The following GLIS3 variants were observed in gnomAD, a reference collection of about 807,000 sequenced individuals.
The protein encoded by GLIS3 is GLIS family zinc finger 3.
In GLIS3, 53 loss-of-function variants were observed where a neutral mutation model predicts 78.6. The observed-to-expected ratio is 0.67, with a 90% CI of 0.54 to 0.85. The LOEUF (loss-of-function observed/expected upper bound fraction) is 0.85. Ranked by LOEUF, GLIS3 falls within the 40% of genes least tolerant of loss-of-function variation. The pLI is 0.00. For synonymous variants in GLIS3, 684 were observed against 509.9 expected, an observed-to-expected ratio of 1.34 and a Z score of -4.60; for missense variants, 1,703 against 1,231.1, an observed-to-expected ratio of 1.38 and a Z score of -5.74.
At chr9:4,027,666 C>T (rs909533493) in intron 4 of GLIS3, among the ~76,000 whole-genome samples, 1 of 152,198 alleles carries the variant, frequency 6.6e-6, no homozygotes, top group Non-Finnish European at 1.5e-5. Context: ...TGTTCCTAAA[C>T]AGTCTGATAA....
At chr9:4,337,238 C>G (rs1302037447) in intron 2 of GLIS3, among the ~76,000 whole-genome samples, 1 of 152,142 alleles carries the variant, frequency 6.6e-6, no homozygotes, top group Non-Finnish European at 1.5e-5. Context: ...TAATCAGAAG[C>G]TCAGAAAAAT....
the GLIS3 span, among the ~76,000 whole-genome samples, chr9:4,464,233 G>C: frequency 6.6e-6 from 1 of 152,034 alleles, no homozygotes; most frequent in Non-Finnish European, 1.5e-5. Context: ...CTGGGGGTCA[G>C]AGTCTCCAAC....
chr9:4,102,040 T>C (rs1478814091), intron 4 of GLIS3, among the ~76,000 whole-genome samples: 4 of 152,210 alleles, frequency 2.6e-5, no homozygotes, highest in Non-Finnish European at 5.9e-5. Context: ...CTTATAAGGA[T>C]TATTCTCCAT....
At chr9:3,998,415 T>A (rs916827177) in intron 4 of GLIS3, among the ~76,000 whole-genome samples, 9 of 152,118 alleles carry the variant, frequency 5.9e-5, no homozygotes, top group African/African-American at 2.2e-4. Flanking sequence ...CTTACCTTTA[T>A]ATTTACACCT....
chr9:4,020,472 CAATTTGAAAA>C (rs1025085665), intron 4 of GLIS3, among the ~76,000 whole-genome samples: 2 of 152,056 alleles, frequency 1.3e-5, no homozygotes, highest in African/African-American at 2.4e-5. Flanking sequence ...AACACCTGGT[CAATTTGAAAA>C]AATTTCACCA....
intron 4 of GLIS3, among the ~76,000 whole-genome samples, chr9:4,105,668 T>A (rs1371846431): frequency 2.0e-5 from 3 of 152,190 alleles, no homozygotes; most frequent in Non-Finnish European, 2.9e-5. Context: ...TCTGAATTCT[T>A]GAAAAGTGAT....
chr9:4,317,128 G>A lies in GLIS3; in HGVS notation n.265-6600C>T, dbSNP rs10974453. Among the ~76,000 whole-genome samples, 284 of 152,160 alleles carry A rather than the reference G, an allele frequency of 1.9e-3. 2 individuals are homozygous for A. The highest frequency in any genetic ancestry group is 6.4e-3 in the African/African-American group (264 of 41,508). On this transcript the variant is annotated intron_variant and non_coding_transcript_variant, in intron 2 of 4. Coordinates refer to the GLIS3 transcript ENST00000471664. ...TATCCTATTGGCTAAGAAAAAGAAA[G>A]AATGTATTCAGTGCCTTTCGACTGC...
chr9:3,843,154 G>C (rs750966763), intron 9 of GLIS3, among the ~76,000 whole-genome samples: 1 of 152,172 alleles, frequency 6.6e-6, no homozygotes. Context: ...TTAGACTTCT[G>C]TTGTCCAGCT....
In GLIS3 at chr9:4,118,507, G is replaced by T. The variant is rs775943543; in HGVS notation, c.971C>A (p.Pro324His). The change falls in exon 4 of 11, where the codon CCC becomes CAC. Residue 324 changes from proline to histidine, a missense_variant. Physicochemically the swap from Pro to His is moderately conservative, Grantham distance 77. Coordinates refer to ENST00000381971, the MANE Select transcript of GLIS3 (RefSeq NM_001042413.2). This position sits in a 1 kb window ranked among gnomAD's most constrained non-coding sequence, Gnocchi z 4.7. Reference sequence around the variant, plus strand: ...GTTGATGTAGGCCACCAAGGACGTGGGCGACGTGCGGATGATGGTATTGAA... The same window carrying T: ...GTTGATGTAGGCCACCAAGGACGTGTGCGACGTGCGGATGATGGTATTGAA... The part of the protein sequence containing the change: ...IDFNTIIRTS[P>H]TSLVAYINGS... 1 of 1,614,240 alleles carries T rather than the reference G, an allele frequency of 6.2e-7. No homozygotes were observed.
At chr9:4,154,989 G>C (rs1490476230) in intron 2 of GLIS3, among the ~76,000 whole-genome samples, 1 of 152,166 alleles carries the variant, frequency 6.6e-6, no homozygotes, top group Admixed American at 6.5e-5. Flanking sequence ...TGGGGAGTTT[G>C]TAACACAATG....
intron 2 of GLIS3, among the ~76,000 whole-genome samples, chr9:4,283,548 G>C (rs960257286): frequency 1.3e-5 from 2 of 152,156 alleles, no homozygotes; most frequent in African/African-American, 2.4e-5. Flanking sequence ...TTACAAGCGT[G>C]AGCCATCGCA....
chr9:4,091,241 T>C (rs1013716194), intron 4 of GLIS3, among the ~76,000 whole-genome samples: 13 of 151,848 alleles, frequency 8.6e-5, no homozygotes, highest in Non-Finnish European at 1.9e-4. Flanking sequence ...GTGGTGTACA[T>C]CTGTAGTCCC....
the GLIS3 span, among the ~76,000 whole-genome samples, chr9:4,371,766 C>A: frequency 6.6e-6 from 1 of 152,204 alleles, no homozygotes; most frequent in Non-Finnish European, 1.5e-5. Context: ...AAAGTGGGTC[C>A]CCATCTCCTA....
At chr9:4,074,027 T>C (rs1020955829) in intron 4 of GLIS3, among the ~76,000 whole-genome samples, 1 of 152,200 alleles carries the variant, frequency 6.6e-6, no homozygotes, top group Non-Finnish European at 1.5e-5. Flanking sequence ...TTTAAATTTG[T>C]ACAAGACATG....
intron 9 of GLIS3, among the ~76,000 whole-genome samples, chr9:3,836,788 A>T (rs189158645): frequency 6.6e-6 from 1 of 152,266 alleles, no homozygotes; most frequent in Admixed American, 6.5e-5. Flanking sequence ...GTGGCTCCAC[A>T]CTTCCACAGC....
At chr9:3,876,442 G>A (rs1821314230) in intron 8 of GLIS3, among the ~76,000 whole-genome samples, 1 of 151,276 alleles carries the variant, frequency 6.6e-6, no homozygotes, top group South Asian at 2.1e-4. Flanking sequence ...TGAATAGCAA[G>A]TAACCATTAG....
At chr9:4,176,645 C>T (rs978523308) in intron 2 of GLIS3, among the ~76,000 whole-genome samples, 1 of 152,014 alleles carries the variant, frequency 6.6e-6, no homozygotes, top group African/African-American at 2.4e-5. Flanking sequence ...TATCTTGAGA[C>T]ACAGTTTTGC....
At chr9:4,390,183 AAT>A in the GLIS3 span, among the ~76,000 whole-genome samples, 1 of 152,202 alleles carries the variant, frequency 6.6e-6, no homozygotes, top group African/African-American at 2.4e-5. Flanking sequence ...AATTGTGGAG[AAT>A]AAAGTTGGAG....
intron 1 of GLIS3, among the ~76,000 whole-genome samples, chr9:4,290,885 C>A (rs532722709): frequency 8.5e-5 from 13 of 152,198 alleles, no homozygotes; most frequent in African/African-American, 3.1e-4. Flanking sequence ...TGGATGTGTA[C>A]AACATTATTT....
Sources: gnomAD v4.1 joint callset for allele counts (sites outside exome capture counted in the v4.1 genomes callset) on GRCh38, gnomAD v4.1.1 for gene constraint, Gnocchi (gnomAD v3.1) non-coding constraint, MANE v1.5 for transcripts, NCBI Gene and HGNC (gene_info 2026-07-23, HGNC 2026-07-21) for gene names.